Variants in HNMT observed in about 807,000 individuals in gnomAD.
The protein encoded by HNMT is histamine N-methyltransferase.
Under a neutral mutation model 32.1 loss-of-function variants are expected in HNMT, and 30 were observed. The ratio of observed to expected loss-of-function variants is 0.93; its 90% CI spans 0.70 to 1.27. HNMT has a LOEUF of 1.27. HNMT is among the 50% of genes most tolerant of loss of function. The probability of loss-of-function intolerance (pLI) is 0.00; values close to 1 mark genes in which losing one functional copy is unlikely to be tolerated. For synonymous variants in HNMT, 125 were observed against 119.0 expected, an observed-to-expected ratio of 1.05 and a Z score of -0.33; for missense variants, 327 against 346.0, an observed-to-expected ratio of 0.95 and a Z score of 0.43.
chr2:137,993,843 A>C (rs1314129011), intron 2 of HNMT, among the ~76,000 whole-genome samples: 2 of 152,236 alleles, frequency 1.3e-5, no homozygotes, highest in African/African-American at 4.8e-5. Flanking sequence ...TCTACAAGCC[A>C]GAAAAGATTG....
At chr2:137,986,508 T>C (rs1680654972) in intron 2 of HNMT, among the ~76,000 whole-genome samples, 1 of 152,098 alleles carries the variant, frequency 6.6e-6, no homozygotes, top group Non-Finnish European at 1.5e-5. Flanking sequence ...CTTGGATTGA[T>C]TGGATGAGGG....
At chr2:137,981,849 C>A (rs535787700) in intron 2 of HNMT, among the ~76,000 whole-genome samples, 31 of 152,100 alleles carry the variant, frequency 2.0e-4, no homozygotes, top group African/African-American at 5.1e-4. Context: ...CAGGCTTCTT[C>A]TTATTATTAT....
intron 2 of HNMT, among the ~76,000 whole-genome samples, chr2:137,976,280 C>CAAAAAAAAAAAAAAAAAAAAAA (rs370528168): frequency 1.4e-5 from 2 of 139,484 alleles, no homozygotes; most frequent in Non-Finnish European, 1.5e-5. Flanking sequence ...AAACAAAAAA[C>CAAAAAAAAAAAAAAAAAAAAAA]AAAAAAAAAA....
intron 1 of HNMT, 105 bp downstream of exon 1, chr2:137,964,733 G>T: frequency 3.6e-6 from 4 of 1,099,928 alleles, no homozygotes; most frequent in Middle Eastern, 2.2e-4. Flanking sequence ...AGGGATAAGG[G>T]CGAATTACTG....
Position 138,014,176 on chromosome 2 carries a change from C to G in HNMT, c.*46C>G, listed in dbSNP as rs1477500858. The G allele has an allele frequency of 1.7e-6, 2 of 1,159,462 alleles. No individual in the cohort carries two copies. The highest frequency in any genetic ancestry group is 1.6e-5 in the African/African-American group (1 of 64,364). The allele number at this position is 1,159,462 out of a possible 1,614,324, so 71.8% of individuals were successfully genotyped here. ...TTCAAAAATTATATTTTGAACAACT[C>G]GAATCACTCATTTATTTCCATATTA... On this transcript the variant is annotated 3_prime_UTR_variant, in exon 6 of 6. Transcript: ENST00000280097.
At chr2:137,988,044 G>A (rs1680703237) in intron 2 of HNMT, among the ~76,000 whole-genome samples, 1 of 152,064 alleles carries the variant, frequency 6.6e-6, no homozygotes, top group Non-Finnish European at 1.5e-5. Context: ...GGGAGAGGAT[G>A]GTACGTAAAG....
chr2:137,982,514 G>A (rs374122207), intron 2 of HNMT, among the ~76,000 whole-genome samples: 5 of 152,264 alleles, frequency 3.3e-5, no homozygotes, highest in South Asian at 2.1e-4. Context: ...GAGGGACACG[G>A]TGGTACCAAA....
At chr2:137,992,209 A>T (rs1377635251) in intron 2 of HNMT, among the ~76,000 whole-genome samples, 1 of 152,146 alleles carries the variant, frequency 6.6e-6, no homozygotes, top group Non-Finnish European at 1.5e-5. Flanking sequence ...TCCTGGAGGG[A>T]GGGGTGACCA....
chr2:137,964,477 C>T lies in HNMT; in HGVS notation c.-15C>T, dbSNP rs1679890888. The T allele has an allele frequency of 1.9e-6, 3 of 1,608,160 alleles. No individual in the cohort carries two copies. The highest frequency in any genetic ancestry group is 2.5e-6 in the Non-Finnish European group (3 of 1,176,908). On this transcript the variant is annotated 5_prime_UTR_variant, in exon 1 of 6. Coordinates refer to ENST00000280097, the MANE Select transcript of HNMT (RefSeq NM_006895.3). ...AAACCTTGCTTCCTGCTCTGTCTTTCTCAGAAAACCAAATATGGCATCTTC... is the reference window on the plus strand; with the variant it reads ...AAACCTTGCTTCCTGCTCTGTCTTTTTCAGAAAACCAAATATGGCATCTTC...
At chr2:137,972,865 C>G (rs1442867820) in intron 2 of HNMT, among the ~76,000 whole-genome samples, 2 of 152,134 alleles carry the variant, frequency 1.3e-5, no homozygotes, top group Non-Finnish European at 2.9e-5. Flanking sequence ...AATTGAATTT[C>G]TAATGCAAAT....
chr2:137,981,521 T>C (rs1207886710), intron 2 of HNMT: 1 of 693,342 alleles, frequency 1.4e-6, no homozygotes, highest in South Asian at 2.0e-5. Flanking sequence ...CTTCCCACCA[T>C]CCGTAAAATT....
At position 138,013,809 on chromosome 2, in the gene HNMT, C is replaced by G; in HGVS notation, c.558C>G (p.Tyr186Ter). The G allele has an allele frequency of 6.2e-7, 1 of 1,613,096 alleles. No homozygotes were observed. Among genetic ancestry groups the G allele is most frequent in the South Asian group, 1.1e-5 (1 of 91,036 alleles). The change falls in exon 6 of 6, where the codon TAC (tyrosine) becomes TAG (stop). Residue 186 changes from tyrosine (Y) to a stop codon, truncating the protein, a stop_gained. Coordinates refer to ENST00000280097, the MANE Select transcript of HNMT (RefSeq NM_006895.3). LOFTEE classifies it high-confidence loss of function. Reference protein sequence around the residue: ...SSGWDKLWKKYGSRFPQDDLC... With the variant: ...SSGWDKLWKK ...GCTGGGACAAGCTGTGGAAAAAGTA[C>G]GGATCACGCTTTCCCCAGGATGACC...
intron 4 of HNMT, among the ~76,000 whole-genome samples, chr2:138,002,929 T>C (rs1681221212): frequency 6.6e-6 from 1 of 151,844 alleles, no homozygotes; most frequent in Admixed American, 6.6e-5. Flanking sequence ...TTACTTCCAT[T>C]ATCCAGATCC....
intron 1 of HNMT, among the ~76,000 whole-genome samples, chr2:137,966,742 G>T (rs1679969497): frequency 7.0e-6 from 1 of 143,414 alleles, no homozygotes; most frequent in Non-Finnish European, 1.5e-5. Context: ...TTACCCCAAG[G>T]GAACAACTTT....
chr2:137,970,130 C>A, intron 1 of HNMT, 35 bp from the exon 2 acceptor site: 1 of 1,190,222 alleles, frequency 8.4e-7, no homozygotes, highest in Non-Finnish European at 1.2e-6. Flanking sequence ...GCACCTAACA[C>A]ATTTTTCTAA....
intron 1 of HNMT, chr2:137,967,087 T>C (rs1380241639): frequency 2.6e-6 from 2 of 780,534 alleles, no homozygotes; most frequent in Admixed American, 3.4e-5. Flanking sequence ...ACTTTTCCAC[T>C]GTCTTTTAGA....
At chr2:137,983,396 T>A (rs1280530074) in intron 2 of HNMT, among the ~76,000 whole-genome samples, 1 of 152,194 alleles carries the variant, frequency 6.6e-6, no homozygotes, top group Non-Finnish European at 1.5e-5. Flanking sequence ...TACCAATCTG[T>A]ACATTTTTAT....
At chr2:138,001,984 TG>T in intron 3 of HNMT, 79 bp from the exon 4 acceptor site, 1 of 1,084,972 alleles carries the variant, frequency 9.2e-7, no homozygotes, top group Non-Finnish European at 1.3e-6. Context: ...TAACATTGAT[TG>T]CATTAAAATT....
chr2:137,965,601 T>C (rs1156380934), intron 1 of HNMT, among the ~76,000 whole-genome samples: 2 of 152,118 alleles, frequency 1.3e-5, no homozygotes, highest in Non-Finnish European at 2.9e-5. Flanking sequence ...TTTCAAAAAA[T>C]AGGATATTAT....
Sources: allele counts gnomAD v4.1 joint callset (sites outside exome capture counted in the v4.1 genomes callset), GRCh38; gene constraint gnomAD v4.1.1; transcripts MANE v1.5; gene names NCBI Gene and HGNC (gene_info 2026-07-23, HGNC 2026-07-21).